GLI3: variants seen among roughly 807,000 people sequenced by gnomAD.
GLI3 encodes the protein GLI family zinc finger 3, also known as transcription activator GLI3.
Under a neutral mutation model 100.8 loss-of-function variants are expected in GLI3, and 20 were observed. That is an observed-to-expected ratio of 0.20 (90% confidence interval 0.14 to 0.29). The LOEUF (loss-of-function observed/expected upper bound fraction) is 0.29, where lower values mean the gene tolerates loss of function less well. Ranked by LOEUF, GLI3 falls within the 10% of genes least tolerant of loss-of-function variation. The pLI is 1.00. For missense variants in GLI3, 2,040 were observed against 2,128.5 expected (o/e 0.96, Z 0.82); for synonymous variants, 938 against 860.5 (o/e 1.09, Z -1.58).
intron 2 of GLI3, 194 bp downstream of exon 2, chr7:42,222,936 T>A (rs927582060): frequency 3.1e-6 from 2 of 637,678 alleles, no homozygotes; most frequent in Non-Finnish European, 5.6e-6. Context: ...GAAGTCAACG[T>A]GTAGGTTGAG....
chr7:42,260,630 A>G (rs1377878952), intron 1 of GLI3, among the ~76,000 whole-genome samples: 1 of 152,204 alleles, frequency 6.6e-6, no homozygotes, highest in Non-Finnish European at 1.5e-5. Flanking sequence ...TCTGATTTAC[A>G]TGTTTAAAAG....
intron 3 of GLI3, among the ~76,000 whole-genome samples, chr7:42,102,348 G>C (rs3801177): frequency 1.4e-5 from 2 of 147,778 alleles, no homozygotes; most frequent in Non-Finnish European, 2.9e-5. Context: ...CCTGAGTCCT[G>C]AGCCTGAGTT....
rs78664098 is a variant in GLI3 at position 42,199,602 on chromosome 7, G to A, written c.124+23528C>T. Among the ~76,000 whole-genome samples the A allele has an allele frequency of 9.4e-3, 1,424 of 152,284 alleles. 15 individuals are homozygous for A. Among genetic ancestry groups the A allele is most frequent in the South Asian group, 0.063 (306 of 4,820 alleles). On this transcript the variant is annotated intron_variant, in intron 2 of 14. Transcript: ENST00000395925. ...TGAACAAAAGACTGTATATATGTGCGTGTATGTGTGTGAGCACACGTGTGT... is the reference window on the plus strand; with the variant it reads ...TGAACAAAAGACTGTATATATGTGCATGTATGTGTGTGAGCACACGTGTGT...
chr7:42,254,143 T>C (rs1789061621), intron 1 of GLI3, among the ~76,000 whole-genome samples: 1 of 143,608 alleles, frequency 7.0e-6, no homozygotes, highest in East Asian at 2.1e-4. Context: ...CACCTGAACC[T>C]GGGAGGTGGA....
intron 3 of GLI3, among the ~76,000 whole-genome samples, chr7:42,103,459 T>C (rs1267426281): frequency 1.0e-5 from 1 of 95,506 alleles, no homozygotes; most frequent in Non-Finnish European, 2.6e-5. Context: ...ATCAAATGTA[T>C]CTTATTAAAA....
At chr7:42,213,375 C>T (rs1322179495) in intron 2 of GLI3, among the ~76,000 whole-genome samples, 1 of 152,170 alleles carries the variant, frequency 6.6e-6, no homozygotes, top group Non-Finnish European at 1.5e-5. Context: ...TTTTAATTGA[C>T]CTTTTCTACA....
intron 2 of GLI3, among the ~76,000 whole-genome samples, chr7:42,155,743 C>T (rs1006887119): frequency 4.6e-5 from 7 of 152,064 alleles, no homozygotes; most frequent in East Asian, 3.9e-4. Context: ...TTCAGATAAA[C>T]GAAAATGTAA....
At chr7:42,161,439 C>T (rs989495277) in intron 2 of GLI3, among the ~76,000 whole-genome samples, 6 of 152,168 alleles carry the variant, frequency 3.9e-5, no homozygotes, top group African/African-American at 7.2e-5. Flanking sequence ...GCAGAAAAGT[C>T]GTGTTGTCCT....
chr7:42,171,429 C>T (rs73688664), intron 2 of GLI3, among the ~76,000 whole-genome samples: 2,651 of 152,150 alleles, frequency 0.017, 83 homozygotes, highest in African/African-American at 0.061. Flanking sequence ...TGAATACATC[C>T]ACAAGTAGAA....
chr7:42,128,857 T>G (rs1161184516), intron 3 of GLI3, among the ~76,000 whole-genome samples: 2 of 152,166 alleles, frequency 1.3e-5, no homozygotes, highest in Non-Finnish European at 2.9e-5. Flanking sequence ...ACTCCCATTT[T>G]AGAGATGAGG....
intron 2 of GLI3, 126 bp from the exon 3 acceptor site, chr7:42,148,594 C>A (rs200962638): frequency 4.3e-6 from 4 of 922,810 alleles, no homozygotes; most frequent in Non-Finnish European, 6.9e-6. Context: ...TCATTCACAG[C>A]AACTTTGAGA....
At chr7:41,982,329 A>G (rs1377289460) in intron 10 of GLI3, among the ~76,000 whole-genome samples, 1 of 152,216 alleles carries the variant, frequency 6.6e-6, no homozygotes, top group East Asian at 1.9e-4. Flanking sequence ...TAAGCTTAAC[A>G]TATTTCCTAG....
chr7:42,039,083 T>C (rs1322688533), intron 7 of GLI3, among the ~76,000 whole-genome samples: 9 of 152,206 alleles, frequency 5.9e-5, no homozygotes, highest in Admixed American at 5.9e-4. Flanking sequence ...TCTTAAATTA[T>C]TGGCAAAAAA....
chr7:42,122,538 T>A (rs940641007), intron 3 of GLI3, among the ~76,000 whole-genome samples: 7 of 152,112 alleles, frequency 4.6e-5, no homozygotes, highest in African/African-American at 1.4e-4. Flanking sequence ...CCTCATACAA[T>A]CATCTGAAGC....
At chr7:42,022,852 T>TG (rs1349113578) in intron 10 of GLI3, among the ~76,000 whole-genome samples, 1 of 152,192 alleles carries the variant, frequency 6.6e-6, no homozygotes, top group Non-Finnish European at 1.5e-5. Flanking sequence ...GAACCTGGTT[T>TG]GGGAGAGGAG....
intron 4 of GLI3, among the ~76,000 whole-genome samples, chr7:42,052,263 C>T (rs1784367360): frequency 6.6e-6 from 1 of 152,204 alleles, no homozygotes; most frequent in Non-Finnish European, 1.5e-5. Context: ...AATAAAGCTG[C>T]TATAAACATC....
chr7:42,148,887 C>A (rs1777821654), intron 2 of GLI3, among the ~76,000 whole-genome samples: 1 of 152,146 alleles, frequency 6.6e-6, no homozygotes, highest in South Asian at 2.1e-4. Context: ...GGACGCGGGG[C>A]CTCCGGGGTG....
intron 13 of GLI3, among the ~76,000 whole-genome samples, 168 bp from the exon 14 acceptor site, chr7:41,968,091 CGGAT>C (rs1787238860): frequency 6.6e-6 from 1 of 152,164 alleles, no homozygotes; most frequent in Admixed American, 6.5e-5. Context: ...GCCAGAATGA[CGGAT>C]GGACCACCAG....
intron 2 of GLI3, among the ~76,000 whole-genome samples, chr7:42,208,568 T>C (rs1236615127): frequency 6.6e-6 from 1 of 152,178 alleles, no homozygotes; most frequent in Non-Finnish European, 1.5e-5. Flanking sequence ...GTTCAGTGTT[T>C]AGGGGTCTGG....
Sources: gnomAD v4.1 joint callset for allele counts (sites outside exome capture counted in the v4.1 genomes callset) on GRCh38, gnomAD v4.1.1 for gene constraint, MANE v1.5 for transcripts, NCBI Gene and HGNC (gene_info 2026-07-23, HGNC 2026-07-21) for gene names.